Variants in WDFY4 observed in about 807,000 individuals in gnomAD.
WDFY4 encodes WD repeat- and FYVE domain-containing protein 4.
In WDFY4, 169 loss-of-function variants were observed where a neutral mutation model predicts 351.9. That is an observed-to-expected ratio of 0.48 (90% confidence interval 0.42 to 0.55). WDFY4 has a LOEUF of 0.55. Among genes scored for constraint, WDFY4 ranks in the 20% least tolerant of loss-of-function variants. The probability of loss-of-function intolerance (pLI) is 0.00; values close to 1 mark genes in which losing one functional copy is unlikely to be tolerated. For missense variants in WDFY4, 3,803 were observed against 3,935.6 expected (o/e 0.97, Z 0.90); for synonymous variants, 1,622 against 1,574.6 (o/e 1.03, Z -0.71).
chr10:48,926,916 C>T (rs1176622231), intron 47 of WDFY4, among the ~76,000 whole-genome samples: 3 of 152,212 alleles, frequency 2.0e-5, no homozygotes, highest in Admixed American at 6.5e-5. Flanking sequence ...GCAGGCCCAA[C>T]GCAGTGTGAA....
Position 48,817,341 on chromosome 10 carries a change from C to T in WDFY4, c.5437C>T (p.Pro1813Ser). The stretch of plus-strand genomic sequence containing the variant: ...CGTCCACCGCACCTACCCCCAGGAC[C>T]CAGCGTGGCGAGCCCCGGAGTTCCT... ...SLVHRTYPQDPAWRAPEFLQT... is the reference protein window; with the variant it reads ...SLVHRTYPQDSAWRAPEFLQT... The change falls in exon 32 of 62, where the codon CCA (proline) becomes TCA (serine). Residue 1813 changes from proline to serine, a missense_variant. Physicochemically the swap from Pro to Ser is moderately conservative, Grantham distance 74. Around this residue, in one of 3 missense-constraint regions of WDFY4, gnomAD observed 3,054 missense variants for 3,148.6 expected, o/e 0.97. Coordinates refer to ENST00000325239, the MANE Select transcript of WDFY4 (RefSeq NM_001394531.1). 1 of 1,551,658 alleles carries T rather than the reference C, an allele frequency of 6.4e-7. No individual in the cohort carries two copies. Among genetic ancestry groups the T allele is most frequent in the Non-Finnish European group, 8.7e-7 (1 of 1,146,960 alleles).
intron 25 of WDFY4, 79 bp from the exon 26 acceptor site, chr10:48,805,181 A>G: frequency 1.4e-6 from 2 of 1,480,716 alleles, no homozygotes; most frequent in Non-Finnish European, 1.8e-6. Flanking sequence ...CCTGGCTTGA[A>G]AAACCTTTTT....
chr10:48,857,756 T>C (rs943691490), intron 39 of WDFY4, among the ~76,000 whole-genome samples: 6 of 152,204 alleles, frequency 3.9e-5, no homozygotes, highest in Non-Finnish European at 7.3e-5. Flanking sequence ...ACATCTTTTG[T>C]ACATTTTCTG....
chr10:48,826,910 G>T lies in WDFY4; in HGVS notation c.6221+1G>T. On this transcript the variant is annotated splice_donor_variant, in intron 36 of 61. Coordinates refer to ENST00000325239, the MANE Select transcript of WDFY4 (RefSeq NM_001394531.1). LOFTEE classifies it high-confidence loss of function. ...GCCTTTTGCTACTCAATGAGAGAAG[G>T]TAAGAGCTGCCCACTTGTTTCCTTG... The T allele has an allele frequency of 1.3e-6, 2 of 1,550,746 alleles. No homozygotes were observed. Among genetic ancestry groups the T allele is most frequent in the Non-Finnish European group, 1.7e-6 (2 of 1,146,142 alleles).
At chr10:48,727,770 A>G in intron 7 of WDFY4, 111 bp downstream of exon 7, 1 of 1,332,370 alleles carries the variant, frequency 7.5e-7, no homozygotes, top group Non-Finnish European at 1.0e-6. Context: ...GAACATGGCC[A>G]GAGAGACCTC....
At chr10:48,964,876 C>T (rs1204981018) in intron 54 of WDFY4, among the ~76,000 whole-genome samples, 1 of 152,120 alleles carries the variant, frequency 6.6e-6, no homozygotes, top group East Asian at 1.9e-4. Context: ...CATGAGGACT[C>T]GGGGTGGGGA....
In WDFY4 at chr10:48,727,628, G is replaced by A. The variant is rs1443605622; in HGVS notation, c.940G>A (p.Gly314Ser). 6.4e-7 allele frequency: 1 copy of A among 1,551,892 alleles called. No individual in the cohort carries two copies. The highest frequency in any genetic ancestry group is 8.7e-7 in the Non-Finnish European group (1 of 1,147,072). The part of the protein sequence containing the change: ...ALFLEFENSE[G>S]YPLLLKVLLR... The stretch of plus-strand genomic sequence containing the variant: ...GTTCCTGGAGTTTGAGAATTCAGAG[G>A]GCTATCCTCTGCTGCTCAAAGTGTT... The change falls in exon 7 of 62, where the codon GGC becomes AGC. Residue 314 changes from glycine (G) to serine (S), a missense_variant. Gly to Ser is a moderately conservative substitution (Grantham distance 56). Transcript: ENST00000325239.
rs984157788 is a variant in WDFY4, at chr10:48,963,910, G to T, written c.8292G>T (p.Gln2764His). 1 of 1,551,430 alleles carries T rather than the reference G, an allele frequency of 6.4e-7. No individual in the cohort carries two copies. The highest frequency in any genetic ancestry group is 2.4e-5 in the East Asian group (1 of 40,932). The change falls in exon 54 of 62, where the codon CAG becomes CAT. Residue 2764 changes from glutamine to histidine, a missense_variant. Physicochemically the swap from Gln to His is conservative, Grantham distance 24. This residue lies in a region of WDFY4 where 3,054 missense variants were observed against 3,148.6 expected (regional missense o/e 0.97). Coordinates refer to ENST00000325239, the MANE Select transcript of WDFY4 (RefSeq NM_001394531.1). ...HWIDLIFGYK[Q>H]QGPAAVDAVN... ...TAGACCTTATTTTTGGGTACAAGCAGCAGGGGCCAGCCGCAGTGGATGCTG... is the reference window on the plus strand; with the variant it reads ...TAGACCTTATTTTTGGGTACAAGCATCAGGGGCCAGCCGCAGTGGATGCTG...
At chr10:48,971,690 G>T (rs1358628853) in intron 57 of WDFY4, among the ~76,000 whole-genome samples, 2 of 152,192 alleles carry the variant, frequency 1.3e-5, no homozygotes, top group East Asian at 3.8e-4. Flanking sequence ...GGCATGGAGG[G>T]TGCTGCGTGG....
At chr10:48,965,015 G>T (rs1369627476) in intron 54 of WDFY4, among the ~76,000 whole-genome samples, 1 of 152,210 alleles carries the variant, frequency 6.6e-6, no homozygotes, top group African/African-American at 2.4e-5. Context: ...GAGATTGGAT[G>T]GCACATCCAG....
intron 40 of WDFY4, among the ~76,000 whole-genome samples, chr10:48,869,151 G>A (rs1263944186): frequency 2.6e-5 from 4 of 152,236 alleles, no homozygotes; most frequent in Non-Finnish European, 5.9e-5. Flanking sequence ...ATAATGGGAT[G>A]TGGACCTTTG....
chr10:48,742,297 C>T (rs2064876085), intron 11 of WDFY4, among the ~76,000 whole-genome samples: 1 of 152,164 alleles, frequency 6.6e-6, no homozygotes, highest in Non-Finnish European at 1.5e-5. Flanking sequence ...CATTTCATTC[C>T]ATTGCAGGTT....
chr10:48,727,612 G>A lies in WDFY4; in HGVS notation c.924G>A (p.Glu308=). Residue 308 remains glutamate (E), a synonymous_variant, in exon 7 of 62, where the codon GAG becomes GAA. Transcript: ENST00000325239. ...SYPVSSALFL[E]FENSEGYPLL... ...CCGTCTCCTCGGCTCTGTTCCTGGA[G>A]TTTGAGAATTCAGAGGGCTATCCTC... 1 of 1,552,046 alleles carries A rather than the reference G, an allele frequency of 6.4e-7. No individual in the cohort carries two copies. Among genetic ancestry groups the A allele is most frequent in the Non-Finnish European group, 8.7e-7 (1 of 1,147,076 alleles).
At chr10:48,969,561 C>T (rs1842244789) in intron 56 of WDFY4, among the ~76,000 whole-genome samples, 1 of 152,186 alleles carries the variant, frequency 6.6e-6, no homozygotes. Flanking sequence ...GTCCTGGGGG[C>T]TCCTCTGTTT....
chr10:48,778,673 C>G lies in WDFY4; in HGVS notation c.3238C>G (p.Arg1080Gly). The change falls in exon 18 of 62, where the codon CGG becomes GGG. Residue 1080 changes from arginine (R) to glycine (G), a missense_variant. Arg to Gly is a moderately radical substitution (Grantham distance 125). This residue lies in a region of WDFY4 where 3,054 missense variants were observed against 3,148.6 expected (regional missense o/e 0.97). Transcript: ENST00000325239. Reference protein sequence around the residue: ...LTFSCWFLISRHGAATEGHPL... With the variant: ...LTFSCWFLISGHGAATEGHPL... Reference sequence around the variant, plus strand: ...CTTCTCCTGCTGGTTCCTGATCAGCCGGCATGGAGCTGCCACTGAGGGCCA... The same window carrying G: ...CTTCTCCTGCTGGTTCCTGATCAGCGGGCATGGAGCTGCCACTGAGGGCCA... The G allele has an allele frequency of 6.4e-7, 1 of 1,551,598 alleles. No individual in the cohort carries two copies. The highest frequency in any genetic ancestry group is 8.7e-7 in the Non-Finnish European group (1 of 1,147,012).
Position 48,820,301 on chromosome 10 carries a change from T to A in WDFY4, c.5573T>A (p.Val1858Glu). 1 of 1,551,596 alleles carries A rather than the reference T, an allele frequency of 6.4e-7. No homozygotes were observed. Among genetic ancestry groups the A allele is most frequent in the Non-Finnish European group, 8.7e-7 (1 of 1,146,960 alleles). ...GCCGCAGCTGAAGGCGACAGCACAG[T>A]GGAGGGTCTCCAGGCTCCCACCAAG... Reference protein sequence around the residue: ...PEAAAEGDSTVEGLQAPTKAH... With the variant: ...PEAAAEGDSTEEGLQAPTKAH... Residue 1858 changes from valine (V) to glutamate (E), a missense_variant, in exon 33 of 62, where the codon GTG becomes GAG. Transcript: ENST00000325239.
At chr10:48,925,461 G>A (rs565596789) in intron 47 of WDFY4, among the ~76,000 whole-genome samples, 21 of 152,320 alleles carry the variant, frequency 1.4e-4, no homozygotes, top group African/African-American at 5.1e-4. Context: ...CTTGTCCAAA[G>A]ATCATTCTGG....
chr10:48,735,656 G>A (rs2064633470), intron 10 of WDFY4, among the ~76,000 whole-genome samples: 1 of 151,912 alleles, frequency 6.6e-6, no homozygotes, highest in Non-Finnish European at 1.5e-5. Flanking sequence ...CATTGGAGAA[G>A]AAAGCAGTTT....
At chr10:48,907,614 AC>A (rs1486312654) in intron 47 of WDFY4, among the ~76,000 whole-genome samples, 1 of 152,170 alleles carries the variant, frequency 6.6e-6, no homozygotes, top group Non-Finnish European at 1.5e-5. Context: ...TGAGAATATG[AC>A]CTTCCATGTT....
Sources: allele counts gnomAD v4.1 joint callset (sites outside exome capture counted in the v4.1 genomes callset), GRCh38; gene constraint gnomAD v4.1.1; regional missense constraint gnomAD v4.1.1; transcripts MANE v1.5; gene names NCBI Gene and HGNC (gene_info 2026-07-23, HGNC 2026-07-21).